Variants in SCPEP1 observed in about 807,000 individuals in gnomAD.
The protein encoded by SCPEP1 is retinoid-inducible serine carboxypeptidase.
Under a neutral mutation model 63.8 loss-of-function variants are expected in SCPEP1, and 51 were observed. The observed-to-expected ratio is 0.80, with a 90% CI of 0.64 to 1.01. The LOEUF (loss-of-function observed/expected upper bound fraction) is 1.01. Among genes scored for constraint, SCPEP1 ranks in the 50% least tolerant of loss-of-function variants. SCPEP1 has a pLI of 0.00. For synonymous variants in SCPEP1, 204 were observed against 207.8 expected (o/e 0.98, Z 0.16); for missense variants, 499 against 554.9 (o/e 0.90, Z 1.01).
At chr17:57,003,598 G>A (rs1408508421) in intron 12 of SCPEP1, among the ~76,000 whole-genome samples, 2 of 152,194 alleles carry the variant, frequency 1.3e-5, no homozygotes, top group East Asian at 3.8e-4. Context: ...ACAGAAGGCA[G>A]AAGAAGAGCC....
intron 7 of SCPEP1, 89 bp from the exon 8 acceptor site, chr17:56,995,418 C>T (rs1042767945): frequency 7.1e-7 from 1 of 1,414,052 alleles, no homozygotes; most frequent in Non-Finnish European, 9.7e-7. Flanking sequence ...CTTCCTTCCC[C>T]TCTTTCTCCT....
intron 2 of SCPEP1, chr17:56,983,613 A>T (rs1235922944): frequency 1.3e-5 from 2 of 152,138 alleles, no homozygotes; most frequent in Non-Finnish European, 2.9e-5. Context: ...TGTTATTTTT[A>T]ATAGGACTGC....
rs2144507857 is a variant in SCPEP1, at chr17:57,001,002, G to A, written c.1132+10G>A. On this transcript the variant is annotated intron_variant, in intron 11 of 12. Transcript: ENST00000262288. ...ATCGTAGATACCATGGGTAGGAATTGACTCTGAGAGGCACCTAGAGGCAGT... is the reference window on the plus strand; with the variant it reads ...ATCGTAGATACCATGGGTAGGAATTAACTCTGAGAGGCACCTAGAGGCAGT... The A allele has an allele frequency of 1.2e-6, 2 of 1,614,136 alleles. No individual in the cohort carries two copies. The highest frequency in any genetic ancestry group is 4.5e-5 in the East Asian group (2 of 44,888).
intron 5 of SCPEP1, among the ~76,000 whole-genome samples, chr17:56,990,149 T>A (rs1911350009): frequency 6.6e-6 from 1 of 152,206 alleles, no homozygotes; most frequent in Admixed American, 6.5e-5. Flanking sequence ...TAACTTTGTT[T>A]GTAAGTCAAA....
intron 3 of SCPEP1, 143 bp downstream of exon 3, chr17:56,985,610 C>T (rs190237791): frequency 2.9e-5 from 19 of 653,994 alleles, no homozygotes; most frequent in Middle Eastern, 4.2e-4. Context: ...GGCACTTGTC[C>T]GCAGGCTTCC....
intron 1 of SCPEP1, among the ~76,000 whole-genome samples, chr17:56,980,788 C>CAAAAA (rs10716600): frequency 1.3e-4 from 10 of 77,124 alleles, no homozygotes; most frequent in Admixed American, 4.7e-4. Context: ...GACTTCGTAT[C>CAAAAA]AAAAAAAAAA....
At chr17:56,999,357 G>C (rs1159318759) in intron 10 of SCPEP1, among the ~76,000 whole-genome samples, 1 of 152,174 alleles carries the variant, frequency 6.6e-6, no homozygotes, top group Non-Finnish European at 1.5e-5. Flanking sequence ...TTAGAGACCA[G>C]GGCCAGGTAG....
At chr17:56,989,997 A>G (rs1911345858) in intron 5 of SCPEP1, among the ~76,000 whole-genome samples, 1 of 152,126 alleles carries the variant, frequency 6.6e-6, no homozygotes, top group African/African-American at 2.4e-5. Context: ...GGATTGCTTG[A>G]GATCAGGAGT....
At chr17:56,996,079 G>T (rs1400875501) in intron 8 of SCPEP1, among the ~76,000 whole-genome samples, 1 of 152,076 alleles carries the variant, frequency 6.6e-6, no homozygotes. Context: ...TTTTTTCCCT[G>T]CAGGGCCTGA....
rs1911270697 is a variant in SCPEP1, at chr17:56,987,854, A to T, written c.471+4A>T. On this transcript the variant is annotated splice_donor_region_variant and intron_variant, in intron 4 of 12. Coordinates refer to ENST00000262288, the MANE Select transcript of SCPEP1 (RefSeq NM_021626.3). ...CAGTTGCCACAAAGAATTCCAGGTA[A>T]GCAAAGACTCAGGAACAGCTAAGTA... is the stretch of plus-strand genomic sequence containing the variant. 3 of 1,613,922 alleles carry T rather than the reference A, an allele frequency of 1.9e-6. No homozygotes were observed. Among genetic ancestry groups the T allele is most frequent in the Admixed American group, 1.7e-5 (1 of 59,976 alleles).
intron 10 of SCPEP1, among the ~76,000 whole-genome samples, chr17:57,000,425 G>C (rs1225483385): frequency 6.6e-6 from 1 of 152,092 alleles, no homozygotes; most frequent in South Asian, 2.1e-4. Context: ...GGTTTGATCT[G>C]GTTTATTATA....
intron 8 of SCPEP1, among the ~76,000 whole-genome samples, chr17:56,996,177 T>C (rs1243290077): frequency 6.6e-6 from 1 of 152,096 alleles, no homozygotes; most frequent in Non-Finnish European, 1.5e-5. Context: ...TTTCTTTCTT[T>C]ATTTTATTTT....
At chr17:56,995,218 A>C in intron 7 of SCPEP1, 200 bp downstream of exon 7, 1 of 561,850 alleles carries the variant, frequency 1.8e-6, no homozygotes, top group Non-Finnish European at 3.1e-6. Flanking sequence ...AGCACACATC[A>C]CTTTTTTCCA....
In SCPEP1 at chr17:57,006,758, A is replaced by G. The variant is rs1238335600; in HGVS notation, c.*523A>G. 6.6e-6 allele frequency: 1 copy of G among 152,226 alleles called. No individual in the cohort carries two copies. The highest frequency in any genetic ancestry group is 2.4e-5 in the African/African-American group (1 of 41,460). The allele number at this position is 152,226 out of a possible 1,614,324, so 9.4% of individuals were successfully genotyped here. A position where few individuals can be genotyped will look rare whatever the true frequency, so the allele number is the denominator to read the frequency against. The stretch of plus-strand genomic sequence containing the variant: ...TTCATGTCAATAAATGTTCTTCTCT[A>G]ACATTTTTAATGGCTGTGGAGCATT... On this transcript the variant is annotated 3_prime_UTR_variant, in exon 13 of 13. Coordinates refer to ENST00000262288, the MANE Select transcript of SCPEP1 (RefSeq NM_021626.3).
chr17:56,978,343 C>A, intron 1 of SCPEP1, 108 bp downstream of exon 1: 3 of 1,259,358 alleles, frequency 2.4e-6, no homozygotes, highest in South Asian at 1.8e-5. Flanking sequence ...TTCCCCGGTT[C>A]TTACCTTGTG....
In SCPEP1 at chr17:57,006,157, T is replaced by A; in HGVS notation, c.1297-16T>A. On this transcript the variant is annotated splice_polypyrimidine_tract_variant and intron_variant, in intron 12 of 12. Coordinates refer to ENST00000262288, the MANE Select transcript of SCPEP1 (RefSeq NM_021626.3). ...ATAGCACCAGGAGCACTAACTCAGATGTTGTTTTTTTCTAGGTTCCTTCTG... is the reference window on the plus strand; with the variant it reads ...ATAGCACCAGGAGCACTAACTCAGAAGTTGTTTTTTTCTAGGTTCCTTCTG... 2 of 1,601,560 alleles carry A rather than the reference T, an allele frequency of 1.2e-6. No individual in the cohort carries two copies. Among genetic ancestry groups the A allele is most frequent in the Non-Finnish European group, 1.7e-6 (2 of 1,172,070 alleles).
intron 6 of SCPEP1, 72 bp from the exon 7 acceptor site, chr17:56,994,909 A>C: frequency 7.5e-7 from 1 of 1,338,492 alleles, no homozygotes; most frequent in Non-Finnish European, 1.1e-6. Context: ...CTTTAGAGAG[A>C]AGACAGTAGG....
chr17:56,987,683 C>T lies in SCPEP1; in HGVS notation c.316-12C>T, dbSNP rs755674484. The T allele has an allele frequency of 6.2e-6, 10 of 1,608,156 alleles. No individual in the cohort carries two copies. The East Asian group carries it at 6.7e-5, about 11-fold the overall frequency. On this transcript the variant is annotated splice_polypyrimidine_tract_variant and intron_variant, in intron 3 of 12. Coordinates refer to ENST00000262288, the MANE Select transcript of SCPEP1 (RefSeq NM_021626.3). ...CTGATTGCAACATTTCGTTTTCCTC[C>T]GTGGTACATAGCTCCAGGCTGCCAG...
chr17:56,999,700 T>G (rs1911680699), intron 10 of SCPEP1, among the ~76,000 whole-genome samples: 1 of 152,128 alleles, frequency 6.6e-6, no homozygotes, highest in Non-Finnish European at 1.5e-5. Context: ...GAGCTGGGTG[T>G]GGCCGGGTGT....
Sources: allele counts gnomAD v4.1 joint callset (sites outside exome capture counted in the v4.1 genomes callset), GRCh38; gene constraint gnomAD v4.1.1; transcripts MANE v1.5; gene names NCBI Gene and HGNC (gene_info 2026-07-23, HGNC 2026-07-21).